The following VILL variants were observed in gnomAD, a reference collection of about 807,000 sequenced individuals.
VILL encodes the protein villin like.
A neutral mutation model predicts 106.3 loss-of-function variants in VILL; 102 were observed. The ratio of observed to expected loss-of-function variants is 0.96; its 90% CI spans 0.82 to 1.13. The LOEUF (loss-of-function observed/expected upper bound fraction) is 1.13, where lower values mean the gene tolerates loss of function less well. VILL is among the 50% of genes most tolerant of loss of function. The pLI is 0.00. For synonymous variants in VILL, 431 were observed against 440.3 expected (o/e 0.98, Z 0.27); for missense variants, 1,076 against 1,116.6 (o/e 0.96, Z 0.52).
rs1699755111 is a variant in VILL, at chr3:37,998,839, G to A, written c.943-73G>A. 1 of 1,529,662 alleles carries A rather than the reference G, an allele frequency of 6.5e-7. No homozygotes were observed. The highest frequency in any genetic ancestry group is 1.2e-5 in the South Asian group (1 of 82,126). 94.8% of individuals were successfully genotyped at this position (1,529,662 alleles called of 1,614,324 possible). A position where few individuals can be genotyped will look rare whatever the true frequency, so the allele number is the denominator to read the frequency against. On this transcript the variant is annotated intron_variant, in intron 9 of 19. Coordinates refer to ENST00000383759, the MANE Select transcript of VILL (RefSeq NM_015873.4). The surrounding 1 kb of genome is among the most constrained non-coding windows in gnomAD (Gnocchi z 4.1). Reference sequence around the variant, plus strand: ...TCTTGGAGCTCGGCTGTCCCAGAGCGGTAGGTCCCCAGGAGCGGCAGTGGG... The same window carrying A: ...TCTTGGAGCTCGGCTGTCCCAGAGCAGTAGGTCCCCAGGAGCGGCAGTGGG...
chr3:38,006,248 C>G lies in VILL; in HGVS notation c.2201C>G (p.Thr734Arg). 1 of 1,614,210 alleles carries G rather than the reference C, an allele frequency of 6.2e-7. No homozygotes were observed. The highest frequency in any genetic ancestry group is 8.5e-7 in the Non-Finnish European group (1 of 1,180,036). Residue 734 changes from threonine to arginine, a missense_variant, in exon 18 of 20, where the codon ACA becomes AGA. Coordinates refer to ENST00000383759, the MANE Select transcript of VILL (RefSeq NM_015873.4). ...PAAASTISEI[T>R]AEVNNLRLSR... is the part of the protein sequence containing the mutation. Reference sequence around the variant, plus strand: ...GCAGCATCAACCATCTCTGAGATAACAGCAGTGAGTCCTGGGGCCCCTAGC... The same window carrying G: ...GCAGCATCAACCATCTCTGAGATAAGAGCAGTGAGTCCTGGGGCCCCTAGC...
intron 11 of VILL, 71 bp from the exon 12 acceptor site, chr3:38,001,385 G>A: frequency 3.2e-6 from 5 of 1,586,440 alleles, no homozygotes; most frequent in Non-Finnish European, 4.3e-6. Context: ...GAGCTTTCCG[G>A]TTGGGTACAG....
chr3:37,989,126 G>A (rs1011521863), upstream of VILL, among the ~76,000 whole-genome samples: 7 of 152,136 alleles, frequency 4.6e-5, no homozygotes, highest in African/African-American at 7.2e-5. Flanking sequence ...ACCAGCTGCC[G>A]ACGGGCCAGT....
At chr3:37,996,394 C>T (rs149761862) in intron 5 of VILL, among the ~76,000 whole-genome samples, 1 of 152,220 alleles carries the variant, frequency 6.6e-6, no homozygotes, top group Admixed American at 6.5e-5. Flanking sequence ...CAAATCAGAA[C>T]AGTGCCCCTT....
chr3:38,005,635 G>C (rs1699902751), intron 16 of VILL, among the ~76,000 whole-genome samples, 157 bp from the exon 17 acceptor site: 1 of 152,176 alleles, frequency 6.6e-6, no homozygotes, highest in African/African-American at 2.4e-5. Flanking sequence ...GTGTGTTCAC[G>C]GGTGTGTGGG....
rs563859774 is a variant in VILL, at chr3:37,994,432, G to T, written c.307G>T (p.Asp103Tyr). ...LHREAQGHES[D>Y]CFCSYFRPGI... Reference sequence around the variant, plus strand: ...CCGCGAGGCGCAGGGCCACGAGTCCGACTGCTTCTGCAGCTACTTCCGCCC... The same window carrying T: ...CCGCGAGGCGCAGGGCCACGAGTCCTACTGCTTCTGCAGCTACTTCCGCCC... The change falls in exon 4 of 20, where the codon GAC becomes TAC. Residue 103 changes from aspartate to tyrosine, a missense_variant. By Grantham distance (160) the Asp-to-Tyr change is radical. Transcript: ENST00000383759. 8.7e-6 allele frequency: 14 copies of T among 1,612,546 alleles called. No homozygotes were observed. The highest frequency in any genetic ancestry group is 1.1e-5 in the Non-Finnish European group (13 of 1,179,878).
chr3:38,002,151 C>T, intron 13 of VILL: 1 of 636,994 alleles, frequency 1.6e-6, no homozygotes, highest in Non-Finnish European at 2.7e-6. Flanking sequence ...GCCTGAGCAC[C>T]CATGCCCCAA....
At position 38,006,718 on chromosome 3, in the gene VILL, G is replaced by A. The variant is rs369997013; in HGVS notation, c.2457+18G>A. ...GCAGGGAGGTGGGCACCCCCTCACT[G>A]CCCCAGCACTAGTGCATCTGACACT... On this transcript the variant is annotated intron_variant, in intron 19 of 19. Transcript: ENST00000383759. 26 of 1,589,576 alleles carry A rather than the reference G, an allele frequency of 1.6e-5. No homozygotes were observed. The highest frequency in any genetic ancestry group is 2.1e-5 in the Non-Finnish European group (25 of 1,165,966).
intron 5 of VILL, 38 bp downstream of exon 5, chr3:37,995,885 G>A (rs370350740): frequency 2.9e-5 from 45 of 1,555,748 alleles, no homozygotes; most frequent in Admixed American, 3.4e-5. Flanking sequence ...CTCTGAACTC[G>A]GCTCAGACTG....
Position 37,998,132 on chromosome 3 carries a change from G to A in VILL, c.807G>A (p.Ala269=), listed in dbSNP as rs775213917. The change falls in exon 8 of 20, where the codon GCG becomes GCA. Residue 269 remains alanine, a synonymous_variant. Transcript: ENST00000383759. The surrounding 1 kb of genome is among the most constrained non-coding windows in gnomAD (Gnocchi z 4.1). ...KGKDLVVLEL[A]TPPLTQDLLQ... ...AAGACCTGGTGGTCCTGGAGTTGGC[G>A]ACCCCCCCACTGACCCAGGACCTGC... is the stretch of plus-strand genomic sequence containing the variant. The A allele has an allele frequency of 5.1e-5, 82 of 1,613,546 alleles. No individual in the cohort carries two copies. Among genetic ancestry groups the A allele is most frequent in the Non-Finnish European group, 6.4e-5 (75 of 1,179,830 alleles).
chr3:38,005,431 A>G (rs1699896795), intron 16 of VILL, among the ~76,000 whole-genome samples: 1 of 152,204 alleles, frequency 6.6e-6, no homozygotes, highest in African/African-American at 2.4e-5. Flanking sequence ...TCTCTCATGA[A>G]AGCTCTATAA....
chr3:38,006,158 A>ACTTGCCCCGATT (rs1358103436), intron 17 of VILL, 23 bp from the exon 18 acceptor site: 1 of 1,613,950 alleles, frequency 6.2e-7, no homozygotes, highest in Non-Finnish European at 8.5e-7. Flanking sequence ...TGGCCCTGAT[A>ACTTGCCCCGATT]CTTGCCCCGA....
Position 38,001,812 on chromosome 3 carries a change from G to A in VILL, c.1431G>A (p.Glu477=). 2 of 1,614,152 alleles carry A rather than the reference G, an allele frequency of 1.2e-6. No homozygotes were observed. Among genetic ancestry groups the A allele is most frequent in the African/African-American group, 1.3e-5 (1 of 75,044 alleles). The change falls in exon 13 of 20, where the codon GAG becomes GAA. Residue 477 remains glutamate, a synonymous_variant. Coordinates refer to ENST00000383759, the MANE Select transcript of VILL (RefSeq NM_015873.4). ...AGGAGCATGTGACCATGGGCAGCGA[G>A]CCCCCCCACTTCCTCGCCATCTTCC... The part of the protein sequence containing the change: ...LVQEHVTMGS[E]PPHFLAIFQG...
At position 37,993,992 on chromosome 3, in the gene VILL, C is replaced by T; in HGVS notation, c.135+20C>T. ...CTCCACGTGAGTCGCTTGGGGAAGT[C>T]TGCCTGAGAGGGGTGGCATGGCCCG... On this transcript the variant is annotated intron_variant, in intron 3 of 19. Coordinates refer to ENST00000383759, the MANE Select transcript of VILL (RefSeq NM_015873.4). 1.9e-6 allele frequency: 3 copies of T among 1,614,040 alleles called. No homozygotes were observed. The highest frequency in any genetic ancestry group is 1.6e-4 in the Middle Eastern group (1 of 6,062).
chr3:37,989,861 G>A (rs972188832), upstream of VILL, among the ~76,000 whole-genome samples: 5 of 152,190 alleles, frequency 3.3e-5, no homozygotes, highest in African/African-American at 1.2e-4. Flanking sequence ...CAGGGACCCT[G>A]CATTGTGTCT....
rs1000355847 is a variant in VILL, at chr3:37,998,886, A to G, written c.943-26A>G. The G allele has an allele frequency of 1.3e-6, 2 of 1,580,374 alleles. No homozygotes were observed. Among genetic ancestry groups the G allele is most frequent in the African/African-American group, 1.4e-5 (1 of 73,792 alleles). On this transcript the variant is annotated intron_variant, in intron 9 of 19. Transcript: ENST00000383759. This position sits in a 1 kb window ranked among gnomAD's most constrained non-coding sequence, Gnocchi z 4.1. ...TGGGGCAGTGGACTCTCAGGGTCGC[A>G]GGACTGACGATGCCTTCCGCCCCAG...
chr3:38,002,397 A>G lies in VILL; in HGVS notation c.1481A>G (p.Glu494Gly). The change falls in exon 14 of 20, where the codon GAG becomes GGG. Residue 494 changes from glutamate to glycine, a missense_variant and splice_region_variant. Transcript: ENST00000383759. ...IFQGQLVIFQ[E>G]RAGHHGKGQS... ...GCCTGAGGCCTTGCTCTCCTATAGG[A>G]GAGAGCTGGGCACCATGGAAAGGGG... is the stretch of plus-strand genomic sequence containing the variant. The G allele has an allele frequency of 6.2e-7, 1 of 1,610,066 alleles. No individual in the cohort carries two copies. Among genetic ancestry groups the G allele is most frequent in the Non-Finnish European group, 8.5e-7 (1 of 1,177,850 alleles).
At chr3:37,994,074 G>T in intron 3 of VILL, 102 bp downstream of exon 3, 3 of 1,513,122 alleles carry the variant, frequency 2.0e-6, no homozygotes. Flanking sequence ...GGCAAGTTGA[G>T]AGCCGGAGAA....
Position 38,007,018 on chromosome 3 carries a change from G to A in VILL, c.2534G>A (p.Arg845Lys). ...GAATTCTACAGCATGGCCACGTGGA[G>A]GCAGCGGCAGGAGAAAAAGCAGCTG... ...KEEFYSMATWRQRQEKKQLGF... is the reference protein window; with the variant it reads ...KEEFYSMATWKQRQEKKQLGF... Residue 845 changes from arginine to lysine, a missense_variant, in exon 20 of 20, where the codon AGG (arginine) becomes AAG (lysine). Coordinates refer to ENST00000383759, the MANE Select transcript of VILL (RefSeq NM_015873.4). 2 of 1,614,114 alleles carry A rather than the reference G, an allele frequency of 1.2e-6. No individual in the cohort carries two copies. Among genetic ancestry groups the A allele is most frequent in the Non-Finnish European group, 1.7e-6 (2 of 1,180,006 alleles).
Sources: allele counts gnomAD v4.1 joint callset (sites outside exome capture counted in the v4.1 genomes callset), GRCh38; gene constraint gnomAD v4.1.1; non-coding constraint Gnocchi (gnomAD v3.1); transcripts MANE v1.5; gene names NCBI Gene and HGNC (gene_info 2026-07-23, HGNC 2026-07-21).